Variants in CNTNAP2 observed in about 807,000 individuals in gnomAD.
CNTNAP2 encodes contactin-associated protein-like 2.
A neutral mutation model predicts 155.2 loss-of-function variants in CNTNAP2; 98 were observed. The ratio of observed to expected loss-of-function variants is 0.63; its 90% CI spans 0.54 to 0.75. The LOEUF is 0.75. Ranked by LOEUF, CNTNAP2 falls within the 30% of genes least tolerant of loss-of-function variation. The pLI is 0.00. For missense variants in CNTNAP2, 1,727 were observed against 1,688.1 expected (o/e 1.02, Z -0.40); for synonymous variants, 651 against 631.2 (o/e 1.03, Z -0.47).
At chr7:146,485,955 C>T (rs1195417109) in intron 1 of CNTNAP2, among the ~76,000 whole-genome samples, 2 of 150,406 alleles carry the variant, frequency 1.3e-5, no homozygotes, top group Admixed American at 6.6e-5. Context: ...AAAAATATGC[C>T]TTTCAAATGT....
chr7:147,205,508 T>G (rs1373300902), intron 8 of CNTNAP2, among the ~76,000 whole-genome samples: 2 of 152,132 alleles, frequency 1.3e-5, no homozygotes, highest in Non-Finnish European at 2.9e-5. Context: ...TCTTTACATT[T>G]TTGTGTCCTC....
intron 1 of CNTNAP2, among the ~76,000 whole-genome samples, chr7:146,234,276 A>G (rs1584816798): frequency 6.6e-6 from 1 of 152,148 alleles, no homozygotes; most frequent in Non-Finnish European, 1.5e-5. Context: ...TTTGAGAAGT[A>G]TCTGTTCATG....
At chr7:147,497,561 G>T (rs1196493182) in intron 11 of CNTNAP2, among the ~76,000 whole-genome samples, 1 of 152,196 alleles carries the variant, frequency 6.6e-6, no homozygotes, top group African/African-American at 2.4e-5. Context: ...ATACCTCTAA[G>T]AATTTGTCTG....
At chr7:146,911,398 A>G (rs571107753) in intron 3 of CNTNAP2, among the ~76,000 whole-genome samples, 3 of 152,222 alleles carry the variant, frequency 2.0e-5, no homozygotes, top group South Asian at 4.2e-4. Context: ...AAAGACTTGG[A>G]ACCAACCCAA....
In CNTNAP2 at chr7:147,495,219, C is replaced by A. The variant is rs537895908; in HGVS notation, c.1777+9178C>A. On this transcript the variant is annotated intron_variant, in intron 11 of 23. Coordinates refer to ENST00000361727, the MANE Select transcript of CNTNAP2 (RefSeq NM_014141.6). ...CAAGATATTTGGGAAGACGTTCAAG[C>A]AGGAACGGAACTCTGAGCTAAGTTC... Among the ~76,000 whole-genome samples the A allele has an allele frequency of 9.2e-5, 14 of 152,256 alleles. No homozygotes were observed. The South Asian group carries it at 2.1e-3, about 23-fold the overall frequency.
At chr7:147,646,287 GA>G (rs1056293138) in intron 13 of CNTNAP2, among the ~76,000 whole-genome samples, 2 of 152,118 alleles carry the variant, frequency 1.3e-5, no homozygotes, top group Non-Finnish European at 2.9e-5. Flanking sequence ...TGTTTATTAA[GA>G]AAAAACTGGA....
chr7:146,140,740 T>A (rs1229111149), intron 1 of CNTNAP2, among the ~76,000 whole-genome samples: 1 of 152,008 alleles, frequency 6.6e-6, no homozygotes, highest in African/African-American at 2.4e-5. Flanking sequence ...CAAACAACCA[T>A]GCGAAGAAAG....
intron 3 of CNTNAP2, among the ~76,000 whole-genome samples, chr7:146,933,878 A>G (rs1475288170): frequency 1.3e-5 from 2 of 151,954 alleles, no homozygotes; most frequent in Non-Finnish European, 2.9e-5. Flanking sequence ...ATGCAAATCA[A>G]AACCACAATG....
intron 21 of CNTNAP2, among the ~76,000 whole-genome samples, chr7:148,380,720 C>T (rs191478031): frequency 1.4e-3 from 220 of 152,154 alleles, no homozygotes; most frequent in African/African-American, 4.9e-3. Flanking sequence ...TGTCACTTGG[C>T]GGGTAATCCT....
intron 3 of CNTNAP2, among the ~76,000 whole-genome samples, chr7:146,996,597 C>T (rs562597011): frequency 6.6e-5 from 10 of 151,982 alleles, no homozygotes; most frequent in South Asian, 2.1e-4. Context: ...TTGTTAGTTC[C>T]GACAACTTTT....
intron 13 of CNTNAP2, among the ~76,000 whole-genome samples, chr7:147,854,395 A>G (rs528269599): frequency 3.0e-4 from 46 of 152,192 alleles, no homozygotes; most frequent in Non-Finnish European, 1.0e-4. Flanking sequence ...ACTGAAAAAG[A>G]GATGGAAGCA....
At chr7:146,366,427 G>A (rs1242699024) in intron 1 of CNTNAP2, among the ~76,000 whole-genome samples, 1 of 151,934 alleles carries the variant, frequency 6.6e-6, no homozygotes, top group Non-Finnish European at 1.5e-5. Context: ...TCCGGACAAG[G>A]CACGTCAATT....
At chr7:146,174,280 A>G (rs1295772292) in intron 1 of CNTNAP2, among the ~76,000 whole-genome samples, 1 of 152,056 alleles carries the variant, frequency 6.6e-6, no homozygotes, top group Non-Finnish European at 1.5e-5. Flanking sequence ...TAAGAAATGT[A>G]AGATTCTCCA....
intron 12 of CNTNAP2, 46 bp from the exon 13 acceptor site, chr7:147,639,060 T>G (rs1795232341): frequency 6.3e-7 from 1 of 1,577,518 alleles, no homozygotes; most frequent in South Asian, 1.1e-5. Flanking sequence ...TGGAGAAGCA[T>G]TTGCATACTA....
chr7:147,365,042 G>A (rs560624343), intron 9 of CNTNAP2, among the ~76,000 whole-genome samples: 1 of 152,218 alleles, frequency 6.6e-6, no homozygotes, highest in East Asian at 1.9e-4. Flanking sequence ...GTAAGCTAGT[G>A]TGAATTTGGG....
At position 147,658,108 on chromosome 7, in the gene CNTNAP2, T is replaced by C. The variant is rs1023274074; in HGVS notation, c.2098+18802T>C. On this transcript the variant is annotated intron_variant, in intron 13 of 23. Coordinates refer to ENST00000361727, the MANE Select transcript of CNTNAP2 (RefSeq NM_014141.6). ...CGTCTCTACTAAAAAATACAAAAAA[T>C]TAGCCGGGCGTAGTGGCGGGCGCCT... Among the ~76,000 whole-genome samples, 6 of 143,696 alleles carry C rather than the reference T, an allele frequency of 4.2e-5. 1 individual carries two copies. The East Asian group carries it at 1.2e-3, about 28-fold the overall frequency. 94.3% of individuals were successfully genotyped at this position (143,696 alleles called of 152,430 possible). A position where few individuals can be genotyped will look rare whatever the true frequency, so the allele number is the denominator to read the frequency against.
intron 1 of CNTNAP2, among the ~76,000 whole-genome samples, chr7:146,159,997 ACTC>A (rs1798191866): frequency 6.6e-6 from 1 of 152,092 alleles, no homozygotes; most frequent in Non-Finnish European, 1.5e-5. Flanking sequence ...GAAGTAAAGC[ACTC>A]CTCATTAGAA....
At chr7:148,414,469 GGTTT>G (rs1799931601) in intron 23 of CNTNAP2, among the ~76,000 whole-genome samples, 2 of 149,980 alleles carry the variant, frequency 1.3e-5, no homozygotes, top group Non-Finnish European at 3.0e-5. Context: ...CCCCTGTGCA[GGTTT>G]CTAATAGCTA....
chr7:147,904,900 T>TAC (rs58242194), intron 14 of CNTNAP2, among the ~76,000 whole-genome samples: 2,185 of 149,102 alleles, frequency 0.015, 36 homozygotes, highest in African/African-American at 0.043. Flanking sequence ...AAGATGTATC[T>TAC]ACACACACAC....
Sources: allele counts gnomAD v4.1 joint callset (sites outside exome capture counted in the v4.1 genomes callset), GRCh38; gene constraint gnomAD v4.1.1; transcripts MANE v1.5; gene names NCBI Gene and HGNC (gene_info 2026-07-23, HGNC 2026-07-21).